Variants in PRKCE observed in about 807,000 individuals in gnomAD.
PRKCE encodes protein kinase C epsilon.
Under a neutral mutation model 85.4 loss-of-function variants are expected in PRKCE, and 16 were observed. That is an observed-to-expected ratio of 0.19 (90% CI 0.13 to 0.28). The LOEUF is 0.28. Among genes scored for constraint, PRKCE ranks in the 10% least tolerant of loss-of-function variants. The pLI is 1.00. For missense variants in PRKCE, 573 were observed against 975.2 expected (o/e 0.59, Z 5.49); for synonymous variants, 388 against 371.5 (o/e 1.04, Z -0.51).
intron 2 of PRKCE, among the ~76,000 whole-genome samples, chr2:45,948,762 G>A (rs1026781402): frequency 6.6e-6 from 1 of 151,986 alleles, no homozygotes; most frequent in African/African-American, 2.4e-5. Flanking sequence ...GGCTGAAGTT[G>A]GTGTTTAGCT....
chr2:45,930,708 G>A (rs955877265), intron 2 of PRKCE, among the ~76,000 whole-genome samples: 1 of 152,232 alleles, frequency 6.6e-6, no homozygotes, highest in Admixed American at 6.5e-5. Flanking sequence ...TCTGTTGTTT[G>A]TTTGACATTG....
intron 2 of PRKCE, among the ~76,000 whole-genome samples, chr2:45,881,061 G>C (rs1694847916): frequency 1.3e-5 from 2 of 149,970 alleles, no homozygotes; most frequent in East Asian, 3.9e-4. Context: ...GCTGAGGCAG[G>C]AGAATGGCGT....
At chr2:45,819,279 G>A (rs1362109132) in intron 1 of PRKCE, among the ~76,000 whole-genome samples, 2 of 152,190 alleles carry the variant, frequency 1.3e-5, no homozygotes, top group Non-Finnish European at 1.5e-5. Context: ...TTTGCCCAAG[G>A]TCACACAGCT....
intron 2 of PRKCE, among the ~76,000 whole-genome samples, chr2:45,877,504 C>A (rs1473882294): frequency 1.3e-5 from 2 of 152,072 alleles, no homozygotes; most frequent in Non-Finnish European, 2.9e-5. Context: ...CTGATTAAGT[C>A]TCTTTCTGTA....
intron 11 of PRKCE, among the ~76,000 whole-genome samples, chr2:46,136,389 TTCTTAGG>T (rs1675004946): frequency 6.6e-6 from 1 of 152,236 alleles, no homozygotes; most frequent in African/African-American, 2.4e-5. Flanking sequence ...CTGGCTGTTA[TTCTTAGG>T]GAATCTACCA....
At chr2:45,890,796 C>G (rs774648886) in intron 2 of PRKCE, among the ~76,000 whole-genome samples, 1 of 152,118 alleles carries the variant, frequency 6.6e-6, no homozygotes, top group African/African-American at 2.4e-5. Flanking sequence ...GAGTGCCTAC[C>G]CTGCACAAGG....
chr2:46,144,989 T>C (rs759000945), intron 11 of PRKCE, 104 bp from the exon 12 acceptor site: 2 of 1,523,510 alleles, frequency 1.3e-6, no homozygotes, highest in South Asian at 2.4e-5. Context: ...CTTTCAGGAC[T>C]TTTTTGCTGG....
At chr2:46,007,439 T>G in intron 8 of PRKCE, 23 bp from the exon 9 acceptor site, 4 of 1,599,122 alleles carry the variant, frequency 2.5e-6, no homozygotes, top group Non-Finnish European at 3.4e-6. Flanking sequence ...ACTAATGCAA[T>G]TTCTTGTTCC....
intron 1 of PRKCE, among the ~76,000 whole-genome samples, chr2:45,722,771 A>G (rs1410465418): frequency 2.0e-5 from 3 of 152,202 alleles, no homozygotes; most frequent in Non-Finnish European, 4.4e-5. Context: ...GGCTTTCTTC[A>G]TAGAAACCTA....
chr2:45,870,940 C>A (rs922523194), intron 2 of PRKCE, among the ~76,000 whole-genome samples: 2 of 152,194 alleles, frequency 1.3e-5, no homozygotes, highest in African/African-American at 4.8e-5. Flanking sequence ...GGGGAATGGG[C>A]TCCCCAGAAG....
intron 1 of PRKCE, among the ~76,000 whole-genome samples, chr2:45,673,385 C>T (rs954928470): frequency 6.6e-5 from 10 of 152,112 alleles, no homozygotes; most frequent in Admixed American, 2.0e-4. Flanking sequence ...TTACAGCCTT[C>T]GATAGGCTAT....
At chr2:45,982,817 C>T (rs1374359010) in intron 5 of PRKCE, among the ~76,000 whole-genome samples, 1 of 152,212 alleles carries the variant, frequency 6.6e-6, no homozygotes, top group East Asian at 1.9e-4. Context: ...GTAGCTCTTT[C>T]CACCCCCACA....
chr2:46,146,624 C>CG (rs1676096287), intron 12 of PRKCE, among the ~76,000 whole-genome samples: 1 of 152,052 alleles, frequency 6.6e-6, no homozygotes, highest in African/African-American at 2.4e-5. Context: ...AGGATTGGAA[C>CG]GGGGGCAGGA....
At chr2:45,910,411 T>C (rs1697300854) in intron 2 of PRKCE, among the ~76,000 whole-genome samples, 1 of 152,166 alleles carries the variant, frequency 6.6e-6, no homozygotes, top group Non-Finnish European at 1.5e-5. Flanking sequence ...GAGACATCCG[T>C]GTCCACAATC....
At chr2:45,803,577 A>G (rs1222636435) in intron 1 of PRKCE, among the ~76,000 whole-genome samples, 1 of 152,120 alleles carries the variant, frequency 6.6e-6, no homozygotes, top group East Asian at 1.9e-4. Flanking sequence ...AGTGGTCACG[A>G]GGATGCTTTT....
At chr2:45,977,753 G>A (rs1245968883) in intron 3 of PRKCE, among the ~76,000 whole-genome samples, 1 of 152,104 alleles carries the variant, frequency 6.6e-6, no homozygotes, top group Non-Finnish European at 1.5e-5. Flanking sequence ...CTGGCCTGAT[G>A]TCCTCTAGCT....
At chr2:45,797,053 A>G (rs1309391222) in intron 1 of PRKCE, among the ~76,000 whole-genome samples, 1 of 152,220 alleles carries the variant, frequency 6.6e-6, no homozygotes. Context: ...TAGGAGTGTC[A>G]GTGTTTCAGA....
chr2:45,943,892 G>A (rs1414287517), intron 2 of PRKCE, among the ~76,000 whole-genome samples: 2 of 152,178 alleles, frequency 1.3e-5, no homozygotes, highest in Admixed American at 6.5e-5. Flanking sequence ...GATCATCAAC[G>A]CAGGATTGTT....
At chr2:45,725,839 A>C (rs11695986) in intron 1 of PRKCE, among the ~76,000 whole-genome samples, 21,269 of 151,708 alleles carry the variant, frequency 0.14, 1,617 homozygotes, top group Non-Finnish European at 0.17. Flanking sequence ...CAAAAAAAAA[A>C]CAAAAAACCG....
Sources: allele counts gnomAD v4.1 joint callset (sites outside exome capture counted in the v4.1 genomes callset), GRCh38; gene constraint gnomAD v4.1.1; transcripts MANE v1.5; gene names NCBI Gene and HGNC (gene_info 2026-07-23, HGNC 2026-07-21).